The following MEI4 variants were observed in gnomAD, a reference collection of about 807,000 sequenced individuals.
MEI4 encodes meiosis-specific protein MEI4.
MEI4 carries 27 observed loss-of-function variants against 31.4 expected under a neutral mutation model. The ratio of observed to expected loss-of-function variants is 0.86; its 90% CI spans 0.63 to 1.19. The LOEUF is 1.19. Ranked by LOEUF, MEI4 falls within the 50% of genes most tolerant of loss-of-function variation. The pLI is 0.00. For synonymous variants in MEI4, 122 were observed against 145.4 expected, an observed-to-expected ratio of 0.84 and a Z score of 1.16; for missense variants, 329 against 398.9, an observed-to-expected ratio of 0.82 and a Z score of 1.49.
chr6:77,910,259 A>C (rs1766402048), intron 4 of MEI4, among the ~76,000 whole-genome samples: 1 of 152,176 alleles, frequency 6.6e-6, no homozygotes, highest in Admixed American at 6.6e-5. Flanking sequence ...GAAAAGAGGA[A>C]GTCAAGTTGT....
chr6:77,734,460 C>A (rs1313997484), intron 2 of MEI4, among the ~76,000 whole-genome samples: 2 of 151,760 alleles, frequency 1.3e-5, no homozygotes, highest in African/African-American at 2.4e-5. Flanking sequence ...GGATTGCAAC[C>A]CCTGCCTTTT....
intron 2 of MEI4, among the ~76,000 whole-genome samples, chr6:77,759,153 A>T (rs1240065562): frequency 6.6e-6 from 1 of 152,062 alleles, no homozygotes; most frequent in East Asian, 1.9e-4. Flanking sequence ...TTTTTGCTTC[A>T]TGTATGTAAC....
intron 2 of MEI4, among the ~76,000 whole-genome samples, chr6:77,754,810 A>G (rs1767870607): frequency 6.6e-6 from 1 of 152,112 alleles, no homozygotes; most frequent in Non-Finnish European, 1.5e-5. Flanking sequence ...AGGGGGAAAG[A>G]GCCCCTTATA....
intron 4 of MEI4, among the ~76,000 whole-genome samples, chr6:77,830,584 C>G (rs1770054493): frequency 6.6e-6 from 1 of 151,906 alleles, no homozygotes; most frequent in African/African-American, 2.4e-5. Context: ...ATAACAATAA[C>G]TAGTGTCAGG....
chr6:77,785,786 C>G (rs13213442), intron 3 of MEI4, among the ~76,000 whole-genome samples: 4 of 152,026 alleles, frequency 2.6e-5, no homozygotes, highest in Admixed American at 6.6e-5. Flanking sequence ...AGCTAGATAA[C>G]AGGAAATTGA....
chr6:77,880,693 C>T (rs1291853387), intron 4 of MEI4, among the ~76,000 whole-genome samples: 2 of 152,098 alleles, frequency 1.3e-5, no homozygotes, highest in East Asian at 1.9e-4. Context: ...TGAAAGAAGA[C>T]ACCACCCATC....
chr6:77,740,102 G>A (rs1388236005), intron 2 of MEI4, among the ~76,000 whole-genome samples: 1 of 152,144 alleles, frequency 6.6e-6, no homozygotes, highest in Non-Finnish European at 1.5e-5. Flanking sequence ...TTATGTAACT[G>A]TATGGTTTTG....
intron 2 of MEI4, among the ~76,000 whole-genome samples, chr6:77,759,540 C>A (rs1368465223): frequency 2.0e-5 from 3 of 152,116 alleles, no homozygotes; most frequent in Non-Finnish European, 4.4e-5. Flanking sequence ...TAAGCCATTT[C>A]TTTTATCTTT....
intron 4 of MEI4, among the ~76,000 whole-genome samples, chr6:77,868,216 AAAAAAAAATT>A (rs201609015): frequency 0.022 from 2,904 of 131,822 alleles, 63 homozygotes; most frequent in East Asian, 0.1. Flanking sequence ...GCATAATAAT[AAAAAAAAATT>A]AAAAAAAATT....
intron 4 of MEI4, among the ~76,000 whole-genome samples, chr6:77,902,137 T>C (rs1766199166): frequency 6.6e-6 from 1 of 152,152 alleles, no homozygotes; most frequent in Non-Finnish European, 1.5e-5. Flanking sequence ...TCAGATAGTA[T>C]GATGCATTCA....
chr6:77,823,873 A>G (rs1562002859), intron 3 of MEI4, among the ~76,000 whole-genome samples: 2 of 149,894 alleles, frequency 1.3e-5, no homozygotes, highest in Non-Finnish European at 1.5e-5. Flanking sequence ...TCTTTATCCT[A>G]CTGTCCAGCT....
chr6:77,890,617 A>G (rs1771737095), intron 4 of MEI4, among the ~76,000 whole-genome samples: 1 of 152,136 alleles, frequency 6.6e-6, no homozygotes, highest in South Asian at 2.1e-4. Context: ...TTGGAAGGGC[A>G]TGATTTTGTT....
chr6:77,922,715 C>G (rs186865299), intron 4 of MEI4, among the ~76,000 whole-genome samples: 40 of 151,696 alleles, frequency 2.6e-4, no homozygotes, highest in African/African-American at 9.2e-4. Flanking sequence ...TGTTTTATAT[C>G]AAAATAAGTA....
chr6:77,678,947 TAA>T, intron 1 of MEI4, among the ~76,000 whole-genome samples: 1 of 150,448 alleles, frequency 6.6e-6, no homozygotes, highest in South Asian at 2.1e-4. Flanking sequence ...GTTTAAGAGG[TAA>T]AAAAAAATAC....
At chr6:77,769,667 A>G (rs1768261074) in intron 3 of MEI4, among the ~76,000 whole-genome samples, 1 of 152,084 alleles carries the variant, frequency 6.6e-6, no homozygotes, top group Non-Finnish European at 1.5e-5. Context: ...CATCCACAGT[A>G]GAATAAGGCA....
At chr6:77,921,387 A>G (rs911991689) in intron 4 of MEI4, among the ~76,000 whole-genome samples, 2 of 151,806 alleles carry the variant, frequency 1.3e-5, no homozygotes, top group African/African-American at 4.8e-5. Flanking sequence ...TCTCTGGTTC[A>G]GGTATTGGCT....
At chr6:77,831,802 A>G (rs1770089912) in intron 4 of MEI4, among the ~76,000 whole-genome samples, 1 of 151,854 alleles carries the variant, frequency 6.6e-6, no homozygotes, top group Admixed American at 6.6e-5. Context: ...GGTTAGATAG[A>G]AGGAAAAAGT....
intron 1 of MEI4, among the ~76,000 whole-genome samples, chr6:77,688,442 A>G (rs1304903188): frequency 6.6e-6 from 1 of 152,128 alleles, no homozygotes; most frequent in Non-Finnish European, 1.5e-5. Flanking sequence ...TATAGTTACA[A>G]TCCATAAGAA....
intron 4 of MEI4, among the ~76,000 whole-genome samples, chr6:77,852,659 C>G (rs1486237083): frequency 6.8e-6 from 1 of 147,262 alleles, no homozygotes; most frequent in Non-Finnish European, 1.5e-5. Flanking sequence ...TTTCCTGATT[C>G]ATAAATGGTG....
Sources: gnomAD v4.1 joint callset for allele counts (sites outside exome capture counted in the v4.1 genomes callset) on GRCh38, gnomAD v4.1.1 for gene constraint, MANE v1.5 for transcripts, NCBI Gene and HGNC (gene_info 2026-07-23, HGNC 2026-07-21) for gene names.